MGA: variants seen among roughly 807,000 people sequenced by gnomAD.
MGA encodes the protein MAX gene-associated protein.
A neutral mutation model predicts 261.1 loss-of-function variants in MGA; 40 were observed. The ratio of observed to expected loss-of-function variants is 0.15; its 90% CI spans 0.12 to 0.20. MGA has a LOEUF of 0.20. Among genes scored for constraint, MGA ranks in the 10% least tolerant of loss-of-function variants. The probability of loss-of-function intolerance (pLI) is 1.00; values close to 1 mark genes in which losing one functional copy is unlikely to be tolerated. For missense variants in MGA, 3,397 were observed against 3,630.5 expected (o/e 0.94, Z 1.65); for synonymous variants, 1,302 against 1,290.6 (o/e 1.01, Z -0.19).
chr15:41,636,290 T>TC (rs1253803729), intron 1 of MGA, among the ~76,000 whole-genome samples: 1 of 151,120 alleles, frequency 6.6e-6, no homozygotes, highest in Non-Finnish European at 1.5e-5. Context: ...ATTTTTTATT[T>TC]TATTTTATTT....
intron 9 of MGA, among the ~76,000 whole-genome samples, chr15:41,720,959 A>G (rs773260829): frequency 4.6e-5 from 7 of 152,238 alleles, no homozygotes; most frequent in Non-Finnish European, 1.0e-4. Flanking sequence ...GTACATCCGT[A>G]TGGGAAAAAT....
At chr15:41,678,515 C>T (rs952673317) in intron 2 of MGA, among the ~76,000 whole-genome samples, 1 of 151,316 alleles carries the variant, frequency 6.6e-6, no homozygotes, top group Non-Finnish European at 1.5e-5. Context: ...CCTGTAATCC[C>T]AGCACTTTGG....
intron 3 of MGA, among the ~76,000 whole-genome samples, chr15:41,697,541 C>A (rs772525959): frequency 6.6e-6 from 1 of 151,710 alleles, no homozygotes; most frequent in African/African-American, 2.4e-5. Context: ...CCCAGCCTCA[C>A]GAGTAGCTGG....
chr15:41,640,384 A>G (rs934392779), intron 1 of MGA, among the ~76,000 whole-genome samples: 1 of 152,192 alleles, frequency 6.6e-6, no homozygotes, highest in African/African-American at 2.4e-5. Flanking sequence ...CACTAACCTT[A>G]AAGTTACTGA....
At chr15:41,656,377 TCACAC>T (rs2057193584), upstream of MGA, among the ~76,000 whole-genome samples, 4 of 68,286 alleles carry the variant, frequency 5.9e-5, no homozygotes, top group Non-Finnish European at 1.0e-4. Flanking sequence ...TCTCTCTCTC[TCACAC>T]CCAGGCTGGA....
At position 41,668,857 on chromosome 15, in the gene MGA, A is replaced by G; in HGVS notation, c.-38A>G. ...GGAAGGCCATTGTGACTATGTGGTG[A>G]TTACAGTTGTCTTACTACTGAGTTT... On this transcript the variant is annotated 5_prime_UTR_variant, in exon 2 of 24. It removes the in-frame stop codon of an upstream open reading frame in the 5' UTR. Transcript: ENST00000219905. 6.9e-7 allele frequency: 1 copy of G among 1,455,360 alleles called. No homozygotes were observed. Among genetic ancestry groups the G allele is most frequent in the Non-Finnish European group, 9.2e-7 (1 of 1,084,392 alleles). The allele number at this position is 1,455,360 out of a possible 1,614,324, so 90.2% of individuals were successfully genotyped here.
At chr15:41,738,268 G>A (rs747373310) in intron 13 of MGA, among the ~76,000 whole-genome samples, 2 of 151,880 alleles carry the variant, frequency 1.3e-5, no homozygotes, top group Non-Finnish European at 2.9e-5. Context: ...GCATGGTGGC[G>A]TGTGCCTGTA....
intron 17 of MGA, 33 bp downstream of exon 17, chr15:41,750,648 T>G: frequency 6.5e-7 from 1 of 1,534,962 alleles, no homozygotes; most frequent in Non-Finnish European, 8.8e-7. Flanking sequence ...GACTGAAACC[T>G]AAAGGATTTA....
At chr15:41,718,671 C>CA (rs779307310) in intron 9 of MGA, 1 of 266,592 alleles carries the variant, frequency 3.8e-6, no homozygotes, top group Non-Finnish European at 7.2e-6. Context: ...CTGGTGTGTT[C>CA]AAGCTCCACC....
At chr15:41,698,641 A>G (rs928354387) in intron 3 of MGA, among the ~76,000 whole-genome samples, 2 of 152,010 alleles carry the variant, frequency 1.3e-5, no homozygotes, top group African/African-American at 2.4e-5. Flanking sequence ...ACATTTTTTT[A>G]CTTCCCCCTT....
intron 1 of MGA, among the ~76,000 whole-genome samples, chr15:41,661,585 A>G (rs1173033047): frequency 6.6e-6 from 1 of 152,112 alleles, no homozygotes; most frequent in African/African-American, 2.4e-5. Context: ...ACGAGAAACC[A>G]AAGTGCACTC....
intron 5 of MGA, among the ~76,000 whole-genome samples, chr15:41,707,130 C>G (rs1254573977): frequency 6.6e-6 from 1 of 152,166 alleles, no homozygotes; most frequent in Admixed American, 6.5e-5. Context: ...CACAAGAGAT[C>G]TGAATTTTGC....
chr15:41,643,955 C>T (rs906493224), intron 1 of MGA, among the ~76,000 whole-genome samples: 1 of 150,208 alleles, frequency 6.7e-6, no homozygotes, highest in African/African-American at 2.5e-5. Context: ...AGTTTCAGCA[C>T]TTACTTTTAG....
At chr15:41,665,469 C>T (rs942509878) in intron 1 of MGA, among the ~76,000 whole-genome samples, 10 of 151,954 alleles carry the variant, frequency 6.6e-5, no homozygotes, top group African/African-American at 2.4e-4. Flanking sequence ...TCACTGCAGC[C>T]TTGGCCTCCC....
chr15:41,734,711 A>T (rs2061679825), intron 12 of MGA, 117 bp downstream of exon 12: 4 of 764,496 alleles, frequency 5.2e-6, no homozygotes, highest in Non-Finnish European at 8.0e-6. Flanking sequence ...CCCTGTTTCA[A>T]ACTTATGCCA....
intron 9 of MGA, among the ~76,000 whole-genome samples, chr15:41,719,495 C>T (rs2060826076): frequency 6.6e-6 from 1 of 152,184 alleles, no homozygotes; most frequent in African/African-American, 2.4e-5. Flanking sequence ...AATCCCAGCA[C>T]TTCAGGAGGC....
chr15:41,755,756 C>T (rs531714051), intron 18 of MGA, among the ~76,000 whole-genome samples: 10 of 152,216 alleles, frequency 6.6e-5, no homozygotes, highest in Admixed American at 5.2e-4. Context: ...TGGTGGCTCA[C>T]GCCTGTAATT....
At chr15:41,655,393 G>A (rs1356436720) in intron 1 of MGA, among the ~76,000 whole-genome samples, 2 of 151,818 alleles carry the variant, frequency 1.3e-5, no homozygotes, top group African/African-American at 4.8e-5. Context: ...GGCTGATCTC[G>A]AACTCCTGAC....
At chr15:41,715,177 T>G (rs550023032) in intron 9 of MGA, among the ~76,000 whole-genome samples, 1 of 145,752 alleles carries the variant, frequency 6.9e-6, no homozygotes, top group African/African-American at 2.5e-5. Context: ...TGAGACAGAG[T>G]CTCACTCTGT....
Sources: allele counts gnomAD v4.1 joint callset (sites outside exome capture counted in the v4.1 genomes callset), GRCh38; gene constraint gnomAD v4.1.1; transcripts MANE v1.5; gene names NCBI Gene and HGNC (gene_info 2026-07-23, HGNC 2026-07-21).